The following NREP variants were observed in gnomAD, a reference collection of about 807,000 sequenced individuals.
NREP encodes the protein neuronal regeneration-related protein.
Under a neutral mutation model 8.6 loss-of-function variants are expected in NREP, and 5 were observed. That is an observed-to-expected ratio of 0.58 (90% CI 0.30 to 1.22). The LOEUF (loss-of-function observed/expected upper bound fraction) is 1.22, where lower values mean the gene tolerates loss of function less well. NREP is among the 50% of genes most tolerant of loss of function. NREP has a pLI of 0.07. For missense variants in NREP, 86 were observed against 82.5 expected (o/e 1.04, Z -0.17); for synonymous variants, 27 against 28.0 (o/e 0.96, Z 0.11).
At chr5:111,866,511 G>C (rs1389661723) in intron 2 of NREP, among the ~76,000 whole-genome samples, 1 of 152,198 alleles carries the variant, frequency 6.6e-6, no homozygotes, top group Non-Finnish European at 1.5e-5. Flanking sequence ...GTGCTGGACA[G>C]GATGTGGAGA....
At chr5:111,814,451 AAAC>A (rs1752339877) in intron 2 of NREP, among the ~76,000 whole-genome samples, 2 of 152,264 alleles carry the variant, frequency 1.3e-5, no homozygotes, top group East Asian at 1.9e-4. Context: ...AAAGGCAGAA[AAAC>A]AACGATTCCC....
At chr5:111,928,559 G>A (rs1755452579) in intron 2 of NREP, among the ~76,000 whole-genome samples, 1 of 152,120 alleles carries the variant, frequency 6.6e-6, no homozygotes, top group African/African-American at 2.4e-5. Flanking sequence ...TGAGTTTGAG[G>A]CCTGATGAAA....
At chr5:111,756,763 G>A (rs1188089188) in intron 1 of NREP, among the ~76,000 whole-genome samples, 1 of 152,142 alleles carries the variant, frequency 6.6e-6, no homozygotes, top group Non-Finnish European at 1.5e-5. Context: ...TTTATAAAAA[G>A]GGAGGAAAAG....
intron 2 of NREP, among the ~76,000 whole-genome samples, chr5:111,906,806 G>C (rs893545438): frequency 1.3e-5 from 2 of 152,020 alleles, no homozygotes; most frequent in African/African-American, 2.4e-5. Flanking sequence ...TGGCATCTAA[G>C]TATCTTCTTT....
chr5:111,874,286 G>A (rs1386284163), intron 2 of NREP, among the ~76,000 whole-genome samples: 2 of 152,004 alleles, frequency 1.3e-5, no homozygotes, highest in Admixed American at 6.5e-5. Context: ...TGTGCTCTAT[G>A]GTAAAACTAA....
At chr5:111,742,664 C>T (rs900210185) in intron 2 of NREP, among the ~76,000 whole-genome samples, 7 of 152,152 alleles carry the variant, frequency 4.6e-5, no homozygotes, top group African/African-American at 1.4e-4. Flanking sequence ...CCATTCATTA[C>T]GTGAGTTTTC....
At chr5:111,841,762 G>A (rs765797034) in intron 2 of NREP, among the ~76,000 whole-genome samples, 7 of 152,182 alleles carry the variant, frequency 4.6e-5, no homozygotes, top group Non-Finnish European at 1.0e-4. Flanking sequence ...CAGTGATTTC[G>A]AATAGGTTTA....
intron 2 of NREP, among the ~76,000 whole-genome samples, chr5:111,782,610 A>G (rs1751518346): frequency 6.6e-6 from 1 of 152,216 alleles, no homozygotes; most frequent in Non-Finnish European, 1.5e-5. Context: ...ATAGTTCTAA[A>G]TTAACTCTAA....
intron 2 of NREP, among the ~76,000 whole-genome samples, chr5:111,959,147 CA>C (rs1159605237): frequency 6.6e-6 from 1 of 151,100 alleles, no homozygotes; most frequent in African/African-American, 2.4e-5. Context: ...AGCAAGTTGC[CA>C]AAAAAAGCAA....
chr5:111,825,813 A>G (rs1752609119), intron 2 of NREP, among the ~76,000 whole-genome samples: 1 of 152,146 alleles, frequency 6.6e-6, no homozygotes, highest in Non-Finnish European at 1.5e-5. Context: ...CAGGAGGTCT[A>G]TTCTCTATCC....
intron 2 of NREP, among the ~76,000 whole-genome samples, chr5:111,967,459 C>T (rs576065040): frequency 6.6e-6 from 1 of 152,312 alleles, no homozygotes; most frequent in Admixed American, 6.5e-5. Context: ...ATTGCAGTGG[C>T]TTCCATTTTG....
At chr5:111,880,432 T>G (rs757961804) in intron 2 of NREP, among the ~76,000 whole-genome samples, 3 of 152,134 alleles carry the variant, frequency 2.0e-5, no homozygotes, top group Non-Finnish European at 4.4e-5. Context: ...GCAGGTTCAG[T>G]TTCTTTTGAG....
chr5:111,845,398 T>C (rs1443168076), intron 2 of NREP, among the ~76,000 whole-genome samples: 1 of 152,102 alleles, frequency 6.6e-6, no homozygotes, highest in Admixed American at 6.6e-5. Context: ...TGTGAGGGGA[T>C]GAGCCCTGGC....
At chr5:111,739,030 G>GA (rs1191843601) in intron 2 of NREP, 4 of 152,168 alleles carry the variant, frequency 2.6e-5, no homozygotes, top group African/African-American at 9.7e-5. Flanking sequence ...CAGATTGTTA[G>GA]AAAATAAATT....
intron 2 of NREP, among the ~76,000 whole-genome samples, chr5:111,919,768 T>G (rs943646727): frequency 6.6e-6 from 1 of 151,772 alleles, no homozygotes. Context: ...AAATAACTAA[T>G]GTAGATGACA....
chr5:111,853,469 G>C (rs1316525427), intron 2 of NREP, among the ~76,000 whole-genome samples: 1 of 150,710 alleles, frequency 6.6e-6, no homozygotes, highest in Non-Finnish European at 1.5e-5. Context: ...AATAATAAGG[G>C]GAGCTTTGGG....
intron 2 of NREP, among the ~76,000 whole-genome samples, chr5:111,961,400 A>T (rs1476825263): frequency 6.6e-6 from 1 of 152,238 alleles, no homozygotes; most frequent in Non-Finnish European, 1.5e-5. Context: ...AGTTCCATTC[A>T]TCTGTGGTCC....
At chr5:111,781,299 T>C (rs1429518121) in intron 2 of NREP, among the ~76,000 whole-genome samples, 3 of 152,126 alleles carry the variant, frequency 2.0e-5, no homozygotes, top group Non-Finnish European at 4.4e-5. Flanking sequence ...CTTTCTTGCT[T>C]CCTCTCACGA....
At chr5:111,794,905 C>T (rs1382004238) in intron 2 of NREP, among the ~76,000 whole-genome samples, 3 of 149,896 alleles carry the variant, frequency 2.0e-5, no homozygotes, top group Non-Finnish European at 4.4e-5. Flanking sequence ...TTTTGGGTCA[C>T]AGAGGCCGTT....
Sources: gnomAD v4.1 joint callset for allele counts (sites outside exome capture counted in the v4.1 genomes callset) on GRCh38, gnomAD v4.1.1 for gene constraint, MANE v1.5 for transcripts, NCBI Gene and HGNC (gene_info 2026-07-23, HGNC 2026-07-21) for gene names.